Variants in CDH13 observed in about 807,000 individuals in gnomAD.
The protein encoded by CDH13 is cadherin 13.
In CDH13, 24 loss-of-function variants were observed where a neutral mutation model predicts 63.8. The observed-to-expected ratio is 0.38, with a 90% CI of 0.27 to 0.53. CDH13 has a LOEUF of 0.53. Ranked by LOEUF, CDH13 falls within the 20% of genes least tolerant of loss-of-function variation. The probability of loss-of-function intolerance (pLI) is 0.85; values close to 1 mark genes in which losing one functional copy is unlikely to be tolerated. For missense variants in CDH13, 1,049 were observed against 903.1 expected (o/e 1.16, Z -2.07); for synonymous variants, 503 against 355.3 (o/e 1.42, Z -4.67).
chr16:83,209,090 C>A (rs574686648), intron 4 of CDH13, among the ~76,000 whole-genome samples: 1 of 152,094 alleles, frequency 6.6e-6, no homozygotes, highest in Non-Finnish European at 1.5e-5. Context: ...CTGGAGCCAG[C>A]GATGAGACGA....
chr16:83,341,003 C>T (rs2090709575), intron 5 of CDH13, among the ~76,000 whole-genome samples: 1 of 152,102 alleles, frequency 6.6e-6, no homozygotes, highest in African/African-American at 2.4e-5. Flanking sequence ...TTTCCATTTC[C>T]TTTGAGCAAG....
intron 1 of CDH13, among the ~76,000 whole-genome samples, chr16:82,635,523 G>A (rs1237214214): frequency 6.6e-6 from 1 of 152,220 alleles, no homozygotes; most frequent in Non-Finnish European, 1.5e-5. Flanking sequence ...GTTTTTCTCA[G>A]AGCAAGTGGC....
chr16:83,496,453 C>G (rs535800615), intron 7 of CDH13, among the ~76,000 whole-genome samples: 33 of 151,316 alleles, frequency 2.2e-4, no homozygotes, highest in African/African-American at 7.8e-4. Context: ...AACTGGCTAG[C>G]CATATGTAGA....
At chr16:83,126,791 TAC>T (rs1328596954) in intron 4 of CDH13, among the ~76,000 whole-genome samples, 1 of 152,190 alleles carries the variant, frequency 6.6e-6, no homozygotes, top group African/African-American at 2.4e-5. Context: ...ATTCATTAAA[TAC>T]ACAGTACATG....
At chr16:83,059,589 G>A (rs1178857153) in intron 3 of CDH13, among the ~76,000 whole-genome samples, 1 of 152,016 alleles carries the variant, frequency 6.6e-6, no homozygotes, top group Non-Finnish European at 1.5e-5. Context: ...GGCACAAGAC[G>A]GTTTGGCCAC....
chr16:83,539,944 C>T (rs2075268498), intron 7 of CDH13, among the ~76,000 whole-genome samples: 1 of 152,182 alleles, frequency 6.6e-6, no homozygotes, highest in Admixed American at 6.5e-5. Flanking sequence ...CCTGACATTC[C>T]ATTGGTGGAA....
chr16:83,411,410 T>C (rs1432278660), intron 6 of CDH13, among the ~76,000 whole-genome samples: 1 of 152,242 alleles, frequency 6.6e-6, no homozygotes, highest in African/African-American at 2.4e-5. Context: ...ATTGTTGGCT[T>C]CTTCATTGCT....
intron 1 of CDH13, among the ~76,000 whole-genome samples, chr16:82,685,670 G>C (rs2150967250): frequency 6.6e-6 from 1 of 151,700 alleles, no homozygotes; most frequent in South Asian, 2.1e-4. Flanking sequence ...ACAAGGCAGA[G>C]TTTGCAGTCT....
At chr16:82,886,064 A>G (rs1248814750) in intron 2 of CDH13, among the ~76,000 whole-genome samples, 3 of 152,188 alleles carry the variant, frequency 2.0e-5, no homozygotes, top group Non-Finnish European at 4.4e-5. Context: ...AAATATACAC[A>G]TGTATATTTC....
chr16:82,963,379 CAAAGA>C (rs751323336), intron 2 of CDH13, among the ~76,000 whole-genome samples: 2 of 152,080 alleles, frequency 1.3e-5, no homozygotes, highest in African/African-American at 2.4e-5. Context: ...AACTCTGTCT[CAAAGA>C]AAAGAAAAGA....
chr16:82,692,076 C>T (rs1915699377), intron 1 of CDH13, among the ~76,000 whole-genome samples: 1 of 152,170 alleles, frequency 6.6e-6, no homozygotes, highest in Admixed American at 6.5e-5. Flanking sequence ...AATGAATTAT[C>T]TGTGGCTTCA....
At chr16:83,792,847 T>C (rs1319009015) in intron 13 of CDH13, among the ~76,000 whole-genome samples, 1 of 152,254 alleles carries the variant, frequency 6.6e-6, no homozygotes, top group Non-Finnish European at 1.5e-5. Flanking sequence ...AAATAGTTCA[T>C]ATTTTATAAC....
chr16:83,431,219 G>T (rs1007835955), intron 6 of CDH13, among the ~76,000 whole-genome samples: 2 of 151,692 alleles, frequency 1.3e-5, no homozygotes, highest in Non-Finnish European at 2.9e-5. Flanking sequence ...GTCTATCATT[G>T]TTGGACATTT....
At chr16:83,794,626 C>CATATATATATAT (rs34550866) in intron 13 of CDH13, among the ~76,000 whole-genome samples, 13 of 149,204 alleles carry the variant, frequency 8.7e-5, no homozygotes, top group South Asian at 2.1e-4. Flanking sequence ...CTTAAGTCAA[C>CATATATATATAT]ATATATATAT....
intron 10 of CDH13, among the ~76,000 whole-genome samples, chr16:83,728,111 C>T (rs937799099): frequency 3.9e-5 from 6 of 152,266 alleles, no homozygotes; most frequent in African/African-American, 1.2e-4. Context: ...GCAGTGAGCA[C>T]GCTGCCTGGA....
At chr16:83,418,800 A>G (rs567988141) in intron 6 of CDH13, among the ~76,000 whole-genome samples, 3 of 152,204 alleles carry the variant, frequency 2.0e-5, no homozygotes, top group Non-Finnish European at 4.4e-5. Flanking sequence ...GAGAAGACCT[A>G]GAGTTCAACT....
chr16:83,379,678 C>T (rs1464453198), intron 6 of CDH13, among the ~76,000 whole-genome samples: 6 of 152,044 alleles, frequency 3.9e-5, no homozygotes, highest in Admixed American at 3.9e-4. Context: ...AGAAGAAAAC[C>T]AGCTCACATC....
At chr16:82,718,019 A>G (rs1324924271) in intron 1 of CDH13, among the ~76,000 whole-genome samples, 5 of 152,216 alleles carry the variant, frequency 3.3e-5, no homozygotes, top group Non-Finnish European at 7.3e-5. Flanking sequence ...TTGGGTTCCC[A>G]CAGAAGCAGA....
At chr16:83,646,025 G>C (rs985376017) in intron 8 of CDH13, among the ~76,000 whole-genome samples, 1 of 152,168 alleles carries the variant, frequency 6.6e-6, no homozygotes, top group African/African-American at 2.4e-5. Context: ...GCCTCGCCCC[G>C]TTGGGAGAAG....
Sources: gnomAD v4.1 joint callset for allele counts (sites outside exome capture counted in the v4.1 genomes callset) on GRCh38, gnomAD v4.1.1 for gene constraint, MANE v1.5 for transcripts, NCBI Gene and HGNC (gene_info 2026-07-23, HGNC 2026-07-21) for gene names.